HORMAD1: variants seen among roughly 807,000 people sequenced by gnomAD.
HORMAD1 encodes the protein HORMA domain containing 1.
HORMAD1 carries 33 observed loss-of-function variants against 58.2 expected under a neutral mutation model. That is an observed-to-expected ratio of 0.57 (90% CI 0.43 to 0.76). The LOEUF (loss-of-function observed/expected upper bound fraction) is 0.76. Ranked by LOEUF, HORMAD1 falls within the 30% of genes least tolerant of loss-of-function variation. HORMAD1 has a pLI of 0.00. For missense variants in HORMAD1, 363 were observed against 462.0 expected, an observed-to-expected ratio of 0.79 and a Z score of 1.96; for synonymous variants, 137 against 144.6, an observed-to-expected ratio of 0.95 and a Z score of 0.38.
intron 2 of HORMAD1, among the ~76,000 whole-genome samples, chr1:150,718,055 A>G (rs1284402139): frequency 6.6e-6 from 1 of 152,158 alleles, no homozygotes; most frequent in Non-Finnish European, 1.5e-5. Flanking sequence ...CTGGTATTTT[A>G]AAAACACCTT....
At chr1:150,709,372 T>C (rs760121589) in intron 7 of HORMAD1, among the ~76,000 whole-genome samples, 1 of 152,198 alleles carries the variant, frequency 6.6e-6, no homozygotes, top group Non-Finnish European at 1.5e-5. Flanking sequence ...CACAGAAACA[T>C]ATGTTGTATG....
At chr1:150,711,662 C>A (rs1255916933) in intron 6 of HORMAD1, 91 bp from the exon 7 acceptor site, 1 of 1,066,036 alleles carries the variant, frequency 9.4e-7, no homozygotes, top group Non-Finnish European at 1.4e-6. Context: ...GTGAACTCAG[C>A]AAAACAAACA....
At chr1:150,712,653 A>C (rs1437899112) in intron 5 of HORMAD1, among the ~76,000 whole-genome samples, 2 of 152,140 alleles carry the variant, frequency 1.3e-5, no homozygotes, top group African/African-American at 4.8e-5. Flanking sequence ...GGTTCAAGCG[A>C]TTCTCCTGCC....
chr1:150,703,208 A>G, intron 13 of HORMAD1, 102 bp downstream of exon 13: 1 of 679,514 alleles, frequency 1.5e-6, no homozygotes, highest in Non-Finnish European at 2.6e-6. Flanking sequence ...CATAATAGGT[A>G]CTTAGTAAAT....
intron 7 of HORMAD1, 76 bp from the exon 8 acceptor site, chr1:150,709,037 G>T (rs188232497): frequency 1.3e-6 from 1 of 754,434 alleles, no homozygotes; most frequent in South Asian, 1.5e-5. Flanking sequence ...TGTTTTGTAT[G>T]ACTCAACATT....
intron 1 of HORMAD1, 43 bp from the exon 2 acceptor site, chr1:150,719,581 T>C (rs1229719741): frequency 9.4e-6 from 9 of 957,832 alleles, no homozygotes; most frequent in Non-Finnish European, 1.4e-5. Context: ...CTCATTTTTT[T>C]CCTCTAACAT....
chr1:150,711,899 TA>T, intron 5 of HORMAD1, 46 bp from the exon 6 acceptor site: 2 of 1,260,334 alleles, frequency 1.6e-6, no homozygotes, highest in Admixed American at 1.9e-5. Context: ...GTCTATAAAA[TA>T]ATTTTTCATT....
At chr1:150,714,044 A>T in intron 5 of HORMAD1, 41 bp downstream of exon 5, 1 of 1,252,714 alleles carries the variant, frequency 8.0e-7, no homozygotes, top group South Asian at 1.3e-5. Context: ...TGTAGATCAT[A>T]AACTGTAGAA....
chr1:150,714,585 T>A (rs754227079), intron 4 of HORMAD1, 30 bp downstream of exon 4: 1 of 1,222,914 alleles, frequency 8.2e-7, no homozygotes. Context: ...AAAAAAATAA[T>A]TTTCTCTCTT....
intron 2 of HORMAD1, among the ~76,000 whole-genome samples, chr1:150,717,743 C>T (rs952853152): frequency 4.6e-5 from 7 of 151,976 alleles, no homozygotes; most frequent in African/African-American, 1.7e-4. Context: ...CCAGCCTGGC[C>T]AAATGGTGAA....
intron 7 of HORMAD1, 81 bp downstream of exon 7, chr1:150,711,464 T>C: frequency 1.0e-6 from 1 of 967,114 alleles, no homozygotes; most frequent in Non-Finnish European, 1.7e-6. Flanking sequence ...ATTAAAAGCA[T>C]AAGATATTCT....
At chr1:150,716,150 CTTTTTTTTTTTTT>C (rs752800084) in intron 3 of HORMAD1, among the ~76,000 whole-genome samples, 66 of 68,774 alleles carry the variant, frequency 9.6e-4, no homozygotes, top group African/African-American at 4.0e-3. Context: ...CAAAGGACCA[CTTTTTTTTTTTTT>C]TTTTTTTTTT....
At chr1:150,709,884 T>C (rs773321417) in intron 7 of HORMAD1, among the ~76,000 whole-genome samples, 414 of 152,360 alleles carry the variant, frequency 2.7e-3, no homozygotes, top group South Asian at 8.9e-3. Context: ...CAAATCTGGC[T>C]TACGTGTACG....
chr1:150,719,369 A>T (rs1434622383), intron 2 of HORMAD1, 104 bp downstream of exon 2: 2 of 715,132 alleles, frequency 2.8e-6, no homozygotes, highest in African/African-American at 3.7e-5. Context: ...GGTATCATAA[A>T]ACCCTCAAAT....
At position 150,708,926 on chromosome 1, in the gene HORMAD1, G is replaced by A. The variant is rs769057402; in HGVS notation, c.363C>T (p.Tyr121=). ...ISECYQFKFK[Y]TNNGPLMDFI... ...AGTCCATGAGTGGTCCATTATTGGTGTATTTGAATTTGAATTGGTAACATT... is the reference window on the plus strand; with the variant it reads ...AGTCCATGAGTGGTCCATTATTGGTATATTTGAATTTGAATTGGTAACATT... The change falls in exon 8 of 15, where the codon TAC becomes TAT. Residue 121 remains tyrosine, a synonymous_variant. Transcript: ENST00000361824. The A allele has an allele frequency of 7.9e-6, 12 of 1,517,036 alleles. No homozygotes were observed. The South Asian group carries it at 1.3e-4, about 17-fold the overall frequency. The allele number at this position is 1,517,036 out of a possible 1,614,324, so 94.0% of individuals were successfully genotyped here. A position where few individuals can be genotyped will look rare whatever the true frequency, so the allele number is the denominator to read the frequency against.
chr1:150,719,441 A>G (rs763318400), intron 2 of HORMAD1, 32 bp downstream of exon 2: 1 of 1,393,796 alleles, frequency 7.2e-7, no homozygotes, highest in African/African-American at 1.4e-5. Flanking sequence ...AGCAGCTATT[A>G]TTAAGATATA....
chr1:150,707,860 C>T (rs587611676), intron 9 of HORMAD1, among the ~76,000 whole-genome samples: 42 of 152,214 alleles, frequency 2.8e-4, no homozygotes, highest in Admixed American at 6.5e-4. Context: ...TGCTTGAACC[C>T]AGGAGGTGGA....
At chr1:150,711,753 G>T in intron 6 of HORMAD1, 80 bp downstream of exon 6, 1 of 995,074 alleles carries the variant, frequency 1.0e-6, no homozygotes, top group South Asian at 1.4e-5. Flanking sequence ...ATAATCAATT[G>T]ATAGTTTTAG....
At chr1:150,713,871 C>T (rs1022940064) in intron 5 of HORMAD1, 1 of 529,496 alleles carries the variant, frequency 1.9e-6, no homozygotes, top group African/African-American at 2.0e-5. Flanking sequence ...GTTAAAAAAA[C>T]TAGCTTGGAA....
Sources: allele counts gnomAD v4.1 joint callset (sites outside exome capture counted in the v4.1 genomes callset), GRCh38; gene constraint gnomAD v4.1.1; transcripts MANE v1.5; gene names NCBI Gene and HGNC (gene_info 2026-07-23, HGNC 2026-07-21).